DEFB125: variants seen among roughly 807,000 people sequenced by gnomAD.
DEFB125 encodes the protein beta-defensin 125.
In DEFB125, 11 loss-of-function variants were observed where a neutral mutation model predicts 11.8. The observed-to-expected ratio is 0.94, with a 90% CI of 0.59 to 1.55. The LOEUF is 1.55. Among genes scored for constraint, DEFB125 ranks in the 40% most tolerant of loss-of-function variants. The probability of loss-of-function intolerance (pLI) is 0.00; values close to 1 mark genes in which losing one functional copy is unlikely to be tolerated. For synonymous variants in DEFB125, 79 were observed against 66.7 expected, an observed-to-expected ratio of 1.18 and a Z score of -0.90; for missense variants, 198 against 191.2, an observed-to-expected ratio of 1.04 and a Z score of -0.21.
intron 1 of DEFB125, among the ~76,000 whole-genome samples, chr20:88,136 GA>G (rs1387381755): frequency 6.6e-6 from 1 of 152,076 alleles, no homozygotes; most frequent in Non-Finnish European, 1.5e-5. Flanking sequence ...CTACCATCTT[GA>G]ATTCTTCTTT....
At chr20:94,328 C>T (rs547324161) in intron 1 of DEFB125, among the ~76,000 whole-genome samples, 1 of 152,160 alleles carries the variant, frequency 6.6e-6, no homozygotes, top group Admixed American at 6.6e-5. Context: ...TGTTAACTAC[C>T]GTCACCCTAC....
At position 96,038 on chromosome 20, in the gene DEFB125, A is replaced by G. The variant is rs1475781216; in HGVS notation, c.92A>G (p.Asn31Ser). ...SFEPQKCWKN[N>S]VGHCRRRCLD... is the part of the protein sequence containing the mutation. The stretch of plus-strand genomic sequence containing the variant: ...GAACCCCAAAAATGTTGGAAGAATA[A>G]TGTAGGACATTGCAGAAGACGATGT... The change falls in exon 2 of 2, where the codon AAT becomes AGT. Residue 31 changes from asparagine to serine, a missense_variant. Physicochemically the swap from Asn to Ser is conservative, Grantham distance 46. Transcript: ENST00000382410. 2 of 1,612,180 alleles carry G rather than the reference A, an allele frequency of 1.2e-6. No individual in the cohort carries two copies. The highest frequency in any genetic ancestry group is 2.7e-5 in the African/African-American group (2 of 74,906).
At chr20:92,355 G>A (rs1295241533) in intron 1 of DEFB125, among the ~76,000 whole-genome samples, 3 of 150,788 alleles carry the variant, frequency 2.0e-5, no homozygotes, top group Admixed American at 6.6e-5. Flanking sequence ...CACACTGCTT[G>A]GAAATCCTAC....
Position 96,389 on chromosome 20 carries a change from C to T in DEFB125, c.443C>T (p.Pro148Leu), listed in dbSNP as rs764254225. The change falls in exon 2 of 2, where the codon CCT becomes CTT. Residue 148 changes from proline (P) to leucine (L), a missense_variant. Pro to Leu is a moderately conservative substitution (Grantham distance 98). Coordinates refer to ENST00000382410, the MANE Select transcript of DEFB125 (RefSeq NM_153325.4). The stretch of plus-strand genomic sequence containing the variant: ...GCTACTTCCGAGACTATGCCACCAC[C>T]TTCTCAGACAGCTCTTACTCATAAT... ...ETATSETMPP[P>L]SQTALTHN 4.3e-6 allele frequency: 7 copies of T among 1,613,596 alleles called. No homozygotes were observed. Among genetic ancestry groups the T allele is most frequent in the African/African-American group, 2.7e-5 (2 of 75,020 alleles).
rs764794833 is a variant in DEFB125 at position 87,805 on chromosome 20, T to A, written c.58+38T>A. The stretch of plus-strand genomic sequence containing the variant: ...TATAAAGCAGAGATGATGACTAGGA[T>A]GAGTTGTTGCCCTTGGGCTCCCCTG... On this transcript the variant is annotated intron_variant, in intron 1 of 1. Transcript: ENST00000382410. 1.9e-6 allele frequency: 3 copies of A among 1,607,588 alleles called. No homozygotes were observed. The Admixed American group carries it at 5.0e-5, about 27-fold the overall frequency.
intron 1 of DEFB125, among the ~76,000 whole-genome samples, chr20:89,370 T>C (rs1335239938): frequency 6.6e-6 from 1 of 152,146 alleles, no homozygotes; most frequent in Non-Finnish European, 1.5e-5. Context: ...GTAAAAAAAT[T>C]GTAAAGAAGT....
chr20:91,036 A>G (rs970806827), intron 1 of DEFB125, among the ~76,000 whole-genome samples: 20 of 152,132 alleles, frequency 1.3e-4, no homozygotes, highest in African/African-American at 4.8e-4. Context: ...ACATTTAAAA[A>G]TTACCATCCT....
At position 87,808 on chromosome 20, in the gene DEFB125, G is replaced by T. The variant is rs982057299; in HGVS notation, c.58+41G>T. On this transcript the variant is annotated intron_variant, in intron 1 of 1. Coordinates refer to ENST00000382410, the MANE Select transcript of DEFB125 (RefSeq NM_153325.4). ...AAAGCAGAGATGATGACTAGGATGA[G>T]TTGTTGCCCTTGGGCTCCCCTGGTA... 2.5e-6 allele frequency: 4 copies of T among 1,605,786 alleles called. No homozygotes were observed. The African/African-American group carries it at 4.0e-5, about 16-fold the overall frequency.
chr20:96,048 T>A lies in DEFB125; in HGVS notation c.102T>A (p.His34Gln), dbSNP rs145802690. Residue 34 changes from histidine (H) to glutamine (Q), a missense_variant, in exon 2 of 2, where the codon CAT (histidine) becomes CAA (glutamine). By Grantham distance (24) the His-to-Gln change is conservative. Transcript: ENST00000382410. ...AATGTTGGAAGAATAATGTAGGACA[T>A]TGCAGAAGACGATGTTTAGATACTG... Reference protein sequence around the residue: ...PQKCWKNNVGHCRRRCLDTER... With the variant: ...PQKCWKNNVGQCRRRCLDTER... 12 of 1,613,280 alleles carry A rather than the reference T, an allele frequency of 7.4e-6. No individual in the cohort carries two copies. The African/African-American group carries it at 1.6e-4, about 22-fold the overall frequency.
At chr20:89,571 GT>G (rs1383417215) in intron 1 of DEFB125, among the ~76,000 whole-genome samples, 1 of 151,884 alleles carries the variant, frequency 6.6e-6, no homozygotes, top group Non-Finnish European at 1.5e-5. Context: ...TAGCCAAATT[GT>G]TTTTGCATAA....
chr20:90,680 G>A (rs905431812), intron 1 of DEFB125, among the ~76,000 whole-genome samples: 2 of 152,138 alleles, frequency 1.3e-5, no homozygotes, highest in African/African-American at 4.8e-5. Flanking sequence ...GGCCCTGCAG[G>A]ATCTGGCCCT....
chr20:93,861 TCCTTTG>T (rs1171722958), intron 1 of DEFB125, among the ~76,000 whole-genome samples: 1 of 152,136 alleles, frequency 6.6e-6, no homozygotes, highest in Admixed American at 6.6e-5. Context: ...ATAGTCCAGG[TCCTTTG>T]AGCCTCATGT....
chr20:93,119 C>T (rs540884306), intron 1 of DEFB125, among the ~76,000 whole-genome samples: 1 of 151,796 alleles, frequency 6.6e-6, no homozygotes, highest in Non-Finnish European at 1.5e-5. Context: ...TACAGGTGCT[C>T]GCCACCATGC....
intron 1 of DEFB125, among the ~76,000 whole-genome samples, chr20:88,239 T>C (rs1308575803): frequency 6.6e-6 from 1 of 152,126 alleles, no homozygotes; most frequent in Non-Finnish European, 1.5e-5. Context: ...TCTGTAGCAC[T>C]ATCATATGGA....
intron 1 of DEFB125, among the ~76,000 whole-genome samples, chr20:92,566 T>C (rs1459163434): frequency 2.6e-5 from 4 of 151,952 alleles, no homozygotes; most frequent in Non-Finnish European, 5.9e-5. Context: ...CTAATTTTTA[T>C]ATTTTTAGTA....
chr20:95,801 T>C (rs1353559873), intron 1 of DEFB125, among the ~76,000 whole-genome samples: 1 of 152,166 alleles, frequency 6.6e-6, no homozygotes, highest in African/African-American at 2.4e-5. Context: ...TCTACATTTC[T>C]CCTTTTCTCC....
intron 1 of DEFB125, among the ~76,000 whole-genome samples, chr20:90,705 C>A (rs1182912240): frequency 6.6e-6 from 1 of 152,202 alleles, no homozygotes; most frequent in Non-Finnish European, 1.5e-5. Flanking sequence ...ACCTCTCTCA[C>A]CTCATCTCCT....
intron 1 of DEFB125, among the ~76,000 whole-genome samples, chr20:91,321 T>C (rs926748727): frequency 9.9e-5 from 15 of 152,238 alleles, no homozygotes; most frequent in Admixed American, 6.5e-5. Flanking sequence ...TTTGATGTAA[T>C]CCTAATTGCC....
intron 1 of DEFB125, among the ~76,000 whole-genome samples, chr20:94,829 C>T (rs764530849): frequency 1.3e-5 from 2 of 152,272 alleles, no homozygotes; most frequent in East Asian, 1.9e-4. Flanking sequence ...ACTTTTTTAG[C>T]TCCTGCTTAT....
Sources: gnomAD v4.1 joint callset for allele counts (sites outside exome capture counted in the v4.1 genomes callset) on GRCh38, gnomAD v4.1.1 for gene constraint, MANE v1.5 for transcripts, NCBI Gene and HGNC (gene_info 2026-07-23, HGNC 2026-07-21) for gene names.